Variants in TMEM222 observed in about 807,000 individuals in gnomAD.
The protein encoded by TMEM222 is chromosome 1 open reading frame 160.
A neutral mutation model predicts 25.1 loss-of-function variants in TMEM222; 18 were observed. The observed-to-expected ratio is 0.72, with a 90% CI of 0.50 to 1.06. The LOEUF (loss-of-function observed/expected upper bound fraction) is 1.06. Among genes scored for constraint, TMEM222 ranks in the 50% least tolerant of loss-of-function variants. TMEM222 has a pLI of 0.00. For missense variants in TMEM222, 296 were observed against 293.7 expected, an observed-to-expected ratio of 1.01 and a Z score of -0.06; for synonymous variants, 131 against 117.9, an observed-to-expected ratio of 1.11 and a Z score of -0.72.
intron 1 of TMEM222, among the ~76,000 whole-genome samples, chr1:27,323,559 C>CG (rs2014263984): frequency 6.6e-6 from 1 of 152,014 alleles, no homozygotes; most frequent in Admixed American, 6.6e-5. Flanking sequence ...GAGGGTGGAT[C>CG]GGTAGGTAGT....
At chr1:27,322,517 C>G in intron 1 of TMEM222, 126 bp downstream of exon 1, 2 of 911,534 alleles carry the variant, frequency 2.2e-6, no homozygotes, top group Non-Finnish European at 3.0e-6. Context: ...CACGCCTCGC[C>G]CAGTCACCAG....
intron 5 of TMEM222, 43 bp downstream of exon 5, chr1:27,334,324 G>T: frequency 1.2e-6 from 2 of 1,612,574 alleles, no homozygotes; most frequent in Non-Finnish European, 1.7e-6. Flanking sequence ...CTGCCCAGAG[G>T]CTGCTCTCCC....
chr1:27,323,757 A>G (rs2014270310), intron 1 of TMEM222, among the ~76,000 whole-genome samples: 1 of 152,260 alleles, frequency 6.6e-6, no homozygotes, highest in South Asian at 2.1e-4. Context: ...TGGGCAACAC[A>G]GTGAAACTCC....
At chr1:27,325,865 A>C (rs896801788) in intron 1 of TMEM222, 1 of 767,990 alleles carries the variant, frequency 1.3e-6, no homozygotes, top group African/African-American at 1.7e-5. Context: ...GGCCCTGGCA[A>C]ATGCATATAC....
intron 5 of TMEM222, chr1:27,334,860 C>G: frequency 9.5e-7 from 1 of 1,049,964 alleles, no homozygotes; most frequent in Non-Finnish European, 1.2e-6. Context: ...TACTGCATGG[C>G]TTTTAGAAGT....
intron 3 of TMEM222, chr1:27,333,307 G>A: frequency 4.2e-6 from 2 of 470,760 alleles, no homozygotes; most frequent in Non-Finnish European, 8.8e-6. Flanking sequence ...AGCCTGGAAT[G>A]CCCACCTCTT....
intron 3 of TMEM222, 27 bp from the exon 4 acceptor site, chr1:27,333,931 G>A: frequency 6.2e-7 from 1 of 1,603,600 alleles, no homozygotes; most frequent in East Asian, 2.2e-5. Flanking sequence ...AGCCAAGCAA[G>A]TGTCCAGAGC....
intron 1 of TMEM222, 133 bp downstream of exon 1, chr1:27,322,524 C>A: frequency 1.2e-6 from 1 of 834,178 alleles, no homozygotes; most frequent in Non-Finnish European, 1.7e-6. Context: ...CGCCCAGTCA[C>A]CAGAACCCCG....
At position 27,333,948 on chromosome 1, in the gene TMEM222, C is replaced by CT. The variant is rs764430771; in HGVS notation, c.312-9dup. On this transcript the variant is annotated splice_polypyrimidine_tract_variant and intron_variant, in intron 3 of 5. Transcript: ENST00000374076. Reference sequence around the variant, plus strand: ...CCAAGCAAGTGTCCAGAGCCCTTCTCTCCCCCCAGGTACTGGAAGTTGGAC... The same window carrying CT: ...CCAAGCAAGTGTCCAGAGCCCTTCTCTTCCCCCCAGGTACTGGAAGTTGGAC... 4 of 1,612,552 alleles carry CT rather than the reference C, an allele frequency of 2.5e-6. No individual in the cohort carries two copies. Among genetic ancestry groups the CT allele is most frequent in the Admixed American group, 1.7e-5 (1 of 59,884 alleles).
At position 27,335,486 on chromosome 1, in the gene TMEM222, C is replaced by A; in HGVS notation, c.*20C>A. 6.2e-7 allele frequency: 1 copy of A among 1,611,922 alleles called. No homozygotes were observed. The highest frequency in any genetic ancestry group is 1.7e-4 in the Middle Eastern group (1 of 6,056). On this transcript the variant is annotated 3_prime_UTR_variant, in exon 6 of 6. Transcript: ENST00000374076. ...CGGTGATGGCTGCTCGGTGGCCCCA[C>A]ACCCACCAGGGTCCCGAGGAAACAG...
intron 1 of TMEM222, among the ~76,000 whole-genome samples, chr1:27,326,327 T>G (rs1355025405): frequency 6.6e-6 from 1 of 152,228 alleles, no homozygotes; most frequent in African/African-American, 2.4e-5. Context: ...GGGCTGTGAC[T>G]TGCTTTGAGT....
intron 5 of TMEM222, 162 bp from the exon 6 acceptor site, chr1:27,335,217 G>C (rs1256937861): frequency 2.5e-5 from 17 of 684,916 alleles, no homozygotes; most frequent in Non-Finnish European, 4.1e-5. Context: ...GGGCAACCAT[G>C]CCCAGCCTGC....
At chr1:27,330,034 G>A (rs147762446) in intron 1 of TMEM222, among the ~76,000 whole-genome samples, 211 of 151,566 alleles carry the variant, frequency 1.4e-3, no homozygotes, top group African/African-American at 5.0e-3. Flanking sequence ...CCCAGGAGGC[G>A]GAGGTTGCAG....
intron 1 of TMEM222, among the ~76,000 whole-genome samples, chr1:27,326,187 G>A (rs1006466927): frequency 3.3e-5 from 5 of 152,142 alleles, no homozygotes; most frequent in African/African-American, 1.2e-4. Flanking sequence ...AGTGTTCTGG[G>A]ATTTCTCTAG....
intron 5 of TMEM222, 33 bp downstream of exon 5, chr1:27,334,314 C>A (rs756617184): frequency 8.7e-6 from 14 of 1,613,344 alleles, no homozygotes; most frequent in Non-Finnish European, 1.2e-5. Flanking sequence ...CACCCACACA[C>A]TGCCCAGAGG....
chr1:27,322,654 C>G (rs945380826), intron 1 of TMEM222, among the ~76,000 whole-genome samples: 1 of 152,198 alleles, frequency 6.6e-6, no homozygotes, highest in African/African-American at 2.4e-5. Flanking sequence ...CTGGGAGACT[C>G]GAGCTGTGAG....
rs768032082 is a variant in TMEM222, at chr1:27,335,513, C to T, written c.*47C>T. The T allele has an allele frequency of 1.7e-5, 27 of 1,589,550 alleles. No homozygotes were observed. In the South Asian group the frequency reaches 1.9e-4, roughly 11 times the overall value. On this transcript the variant is annotated 3_prime_UTR_variant, in exon 6 of 6. Coordinates refer to ENST00000374076, the MANE Select transcript of TMEM222 (RefSeq NM_032125.3). ...CCCACCAGGGTCCCGAGGAAACAGC[C>T]GCCATCCCTTTTGGTTCCAGATTTT...
At chr1:27,326,112 C>T (rs1414258775) in intron 1 of TMEM222, among the ~76,000 whole-genome samples, 7 of 152,130 alleles carry the variant, frequency 4.6e-5, no homozygotes, top group African/African-American at 1.7e-4. Flanking sequence ...AAGACAAGTG[C>T]GACTTGGTGA....
intron 4 of TMEM222, 48 bp downstream of exon 4, chr1:27,334,102 G>C (rs763945745): frequency 1.9e-6 from 3 of 1,614,032 alleles, no homozygotes; most frequent in Admixed American, 1.7e-5. Flanking sequence ...GGGACCAGGG[G>C]GGAGGCTCCC....
Sources: allele counts gnomAD v4.1 joint callset (sites outside exome capture counted in the v4.1 genomes callset), GRCh38; gene constraint gnomAD v4.1.1; transcripts MANE v1.5; gene names NCBI Gene and HGNC (gene_info 2026-07-23, HGNC 2026-07-21).